RAB40C: variants seen among roughly 807,000 people sequenced by gnomAD.
RAB40C encodes ras-related protein Rab-40C.
Under a neutral mutation model 28.1 loss-of-function variants are expected in RAB40C, and 8 were observed. The observed-to-expected ratio is 0.28, with a 90% CI of 0.17 to 0.51. The LOEUF is 0.51. Among genes scored for constraint, RAB40C ranks in the 20% least tolerant of loss-of-function variants. RAB40C has a pLI of 0.97. For synonymous variants in RAB40C, 201 were observed against 171.7 expected (o/e 1.17, Z -1.34); for missense variants, 288 against 405.9 (o/e 0.71, Z 2.50).
chr16:625,316 G>C (rs1368462429), intron 3 of RAB40C, 116 bp from the exon 4 acceptor site: 2 of 1,498,020 alleles, frequency 1.3e-6, no homozygotes, highest in Non-Finnish European at 1.8e-6. Context: ...CATCCGCCAA[G>C]TAATAAGCAT....
chr16:614,624 G>A (rs1438097029), intron 1 of RAB40C, among the ~76,000 whole-genome samples: 2 of 148,170 alleles, frequency 1.3e-5, no homozygotes. Flanking sequence ...TCCCGATGGT[G>A]AACTGCTAAC....
In RAB40C at chr16:629,183, A is replaced by G. The variant is rs1596424162; in HGVS notation, c.*1561A>G. The stretch of plus-strand genomic sequence containing the variant: ...ATGGTCCTGCATTCACGGCATCAAC[A>G]CTACCCGCGCTGCTGTTAGACACTC... On this transcript the variant is annotated 3_prime_UTR_variant, in exon 6 of 6. Transcript: ENST00000248139. 1 of 222,124 alleles carries G rather than the reference A, an allele frequency of 4.5e-6. No individual in the cohort carries two copies. Among genetic ancestry groups the G allele is most frequent in the South Asian group, 6.3e-5 (1 of 15,828 alleles). 13.8% of individuals were successfully genotyped at this position (222,124 alleles called of 1,614,324 possible).
intron 3 of RAB40C, chr16:625,134 A>G (rs2036800974): frequency 2.2e-6 from 3 of 1,352,988 alleles, no homozygotes; most frequent in Admixed American, 2.2e-5. Context: ...AGAACCCCGC[A>G]TCTGCCTGCC....
chr16:595,764 A>G (rs2036105725), intron 1 of RAB40C, among the ~76,000 whole-genome samples: 1 of 151,938 alleles, frequency 6.6e-6, no homozygotes, highest in East Asian at 1.9e-4. Context: ...CACCACACCC[A>G]GCTAATTTTT....
intron 1 of RAB40C, among the ~76,000 whole-genome samples, chr16:603,424 A>C (rs541221444): frequency 2.0e-5 from 3 of 150,128 alleles, no homozygotes; most frequent in African/African-American, 7.2e-5. Context: ...GGTATGCCGG[A>C]AGATTGAATG....
intron 1 of RAB40C, among the ~76,000 whole-genome samples, chr16:594,258 C>T (rs1328622411): frequency 6.6e-6 from 1 of 152,220 alleles, no homozygotes; most frequent in Non-Finnish European, 1.5e-5. Flanking sequence ...CTTTATTTCT[C>T]TCTCTGCTCT....
At chr16:589,732 T>C (rs977922489), upstream of RAB40C, 1 of 150,546 alleles carries the variant, frequency 6.6e-6, no homozygotes, top group Non-Finnish European at 1.5e-5. Context: ...ATCGAACCAA[T>C]GGTTCCGGGA....
chr16:600,188 G>A (rs1472232245), intron 1 of RAB40C, among the ~76,000 whole-genome samples: 1 of 152,200 alleles, frequency 6.6e-6, no homozygotes, highest in Non-Finnish European at 1.5e-5. Flanking sequence ...CTGAGTTCCC[G>A]GAGCTCCCTG....
intron 3 of RAB40C, among the ~76,000 whole-genome samples, chr16:623,305 A>G (rs949087285): frequency 6.6e-6 from 1 of 152,224 alleles, no homozygotes; most frequent in Non-Finnish European, 1.5e-5. Flanking sequence ...TTTTATGTCC[A>G]TATAAACTTC....
At chr16:607,818 C>T (rs569590887) in intron 1 of RAB40C, among the ~76,000 whole-genome samples, 2 of 152,114 alleles carry the variant, frequency 1.3e-5, no homozygotes, top group Non-Finnish European at 2.9e-5. Context: ...AAAAGAAAGT[C>T]GCATCTGGTA....
At chr16:627,293 G>A in intron 5 of RAB40C, 49 bp from the exon 6 acceptor site, 1 of 1,560,344 alleles carries the variant, frequency 6.4e-7, no homozygotes, top group Admixed American at 1.7e-5. Context: ...CCCTGCACAG[G>A]GCCTCCTCCC....
intron 2 of RAB40C, 82 bp from the exon 3 acceptor site, chr16:618,118 A>G: frequency 7.3e-7 from 1 of 1,365,178 alleles, no homozygotes; most frequent in Non-Finnish European, 1.0e-6. Flanking sequence ...CAGGACATCC[A>G]GGTGGGTCGG....
At chr16:625,372 TG>T in intron 3 of RAB40C, 59 bp from the exon 4 acceptor site, 1 of 1,584,230 alleles carries the variant, frequency 6.3e-7, no homozygotes. Flanking sequence ...TGAGCGTCCC[TG>T]GGCCTGGGCT....
chr16:611,856 A>G (rs2036493978), intron 1 of RAB40C, among the ~76,000 whole-genome samples: 1 of 27,550 alleles, frequency 3.6e-5, no homozygotes, highest in Non-Finnish European at 6.0e-5. Flanking sequence ...CCTGGCCTGT[A>G]GAATCAAGAG....
chr16:611,423 C>T (rs1314592745), intron 1 of RAB40C, among the ~76,000 whole-genome samples: 3 of 152,202 alleles, frequency 2.0e-5, no homozygotes, highest in Non-Finnish European at 4.4e-5. Flanking sequence ...CAACTTTGGC[C>T]TCTCAGGTCA....
chr16:625,601 C>T (rs1000846808), intron 4 of RAB40C, 92 bp downstream of exon 4: 18 of 1,307,618 alleles, frequency 1.4e-5, no homozygotes, highest in Admixed American at 3.7e-5. Context: ...GCCTGCCGCC[C>T]CTCCTGTGGC....
At position 627,742 on chromosome 16, in the gene RAB40C, C is replaced by T. The variant is rs894442147; in HGVS notation, c.*120C>T. The T allele has an allele frequency of 3.0e-5, 38 of 1,277,018 alleles. No homozygotes were observed. Among genetic ancestry groups the T allele is most frequent in the African/African-American group, 7.5e-5 (5 of 66,288 alleles). The allele number at this position is 1,277,018 out of a possible 1,614,324, so 79.1% of individuals were successfully genotyped here. On this transcript the variant is annotated 3_prime_UTR_variant, in exon 6 of 6. Transcript: ENST00000248139. ...GTCCACACAGCTGCCTCAGAAGCGC[C>T]GGGCTTTCCTCACACCTGAGCCGGG...
chr16:595,823 G>A (rs538624343), intron 1 of RAB40C, among the ~76,000 whole-genome samples: 33 of 152,232 alleles, frequency 2.2e-4, no homozygotes, highest in Non-Finnish European at 3.7e-4. Context: ...GGCTGGTCTT[G>A]AACTGCTGAC....
chr16:626,177 C>T (rs1342177915), intron 5 of RAB40C, 56 bp downstream of exon 5: 2 of 1,518,858 alleles, frequency 1.3e-6, no homozygotes, highest in Non-Finnish European at 1.8e-6. Flanking sequence ...CTGCCCTGAT[C>T]ACATGGAGGC....
Sources: allele counts gnomAD v4.1 joint callset (sites outside exome capture counted in the v4.1 genomes callset), GRCh38; gene constraint gnomAD v4.1.1; transcripts MANE v1.5; gene names NCBI Gene and HGNC (gene_info 2026-07-23, HGNC 2026-07-21).